MRI1: variants seen among roughly 807,000 people sequenced by gnomAD.
MRI1 encodes the protein methylthioribose-1-phosphate isomerase 1, also known as methylthioribose-1-phosphate isomerase.
MRI1 carries 32 observed loss-of-function variants against 27.3 expected under a neutral mutation model. That is an observed-to-expected ratio of 1.17 (90% CI 0.88 to 1.57). The LOEUF is 1.57. Among genes scored for constraint, MRI1 ranks in the 40% most tolerant of loss-of-function variants. The probability of loss-of-function intolerance (pLI) is 0.00; values close to 1 mark genes in which losing one functional copy is unlikely to be tolerated. For missense variants in MRI1, 508 were observed against 516.1 expected, an observed-to-expected ratio of 0.98 and a Z score of 0.15; for synonymous variants, 216 against 227.4, an observed-to-expected ratio of 0.95 and a Z score of 0.45.
intron 5 of MRI1, 108 bp downstream of exon 5, chr19:13,769,156 G>A: frequency 3.2e-6 from 3 of 947,852 alleles, no homozygotes; most frequent in Non-Finnish European, 4.7e-6. Context: ...GCTCCTACAA[G>A]CCACTTTTTC....
rs777638380 is a variant in MRI1 at position 13,769,006 on chromosome 19, C to A, written c.907C>A (p.Gln303Lys). ...KEIIIEERPGQELTDVNGVRI... is the reference protein window; with the variant it reads ...KEIIIEERPGKELTDVNGVRI... ...GATCATTATTGAAGAGCGACCGGGC[C>A]AGGAGCTGACCGATGTTAATGGGGT... The change falls in exon 5 of 6, where the codon CAG becomes AAG. Residue 303 changes from glutamine to lysine, a missense_variant. This residue lies in a region of MRI1 where 457 missense variants were observed against 452.8 expected (regional missense o/e 1.01). Coordinates refer to ENST00000040663, the MANE Select transcript of MRI1 (RefSeq NM_001031727.4). 1.9e-6 allele frequency: 3 copies of A among 1,613,698 alleles called. No individual in the cohort carries two copies. Among genetic ancestry groups the A allele is most frequent in the Non-Finnish European group, 2.5e-6 (3 of 1,179,866 alleles).
At position 13,768,754 on chromosome 19, in the gene MRI1, C is replaced by A. The variant is rs546023212; in HGVS notation, c.724+17C>A. ...GCGTGTCAGGTAAGCAGACGGTAAG[C>A]CCTGGGGGCGGGGCTCTGGAGCATG... is the stretch of plus-strand genomic sequence containing the variant. On this transcript the variant is annotated intron_variant, in intron 4 of 5. Transcript: ENST00000040663. 383 of 1,605,418 alleles carry A rather than the reference C, an allele frequency of 2.4e-4. 3 individuals are homozygous for A. In the South Asian group the frequency reaches 4.1e-3, roughly 17 times the overall value.
At chr19:13,768,500 G>T (rs1217269953) in intron 3 of MRI1, 61 bp from the exon 4 acceptor site, 2 of 1,592,572 alleles carry the variant, frequency 1.3e-6, no homozygotes, top group African/African-American at 1.3e-5. Flanking sequence ...CCTAACCAAT[G>T]GACCACCCTG....
intron 5 of MRI1, 103 bp downstream of exon 5, chr19:13,769,151 T>G: frequency 3.1e-6 from 3 of 958,132 alleles, no homozygotes; most frequent in Non-Finnish European, 4.6e-6. Flanking sequence ...ACACAGCTCC[T>G]ACAAGCCACT....
chr19:13,773,514 C>G lies in MRI1; in HGVS notation c.*1233C>G, dbSNP rs1205766727. 2 of 152,870 alleles carry G rather than the reference C, an allele frequency of 1.3e-5. No individual in the cohort carries two copies. The highest frequency in any genetic ancestry group is 2.9e-5 in the Non-Finnish European group (2 of 68,048). 9.5% of individuals were successfully genotyped at this position (152,870 alleles called of 1,614,324 possible). The stretch of plus-strand genomic sequence containing the variant: ...TGGGCATGGAACTCACACCTCTAGC[C>G]CCAGCTACTCAGGCTGAAGTGGGAG... On this transcript the variant is annotated 3_prime_UTR_variant, in exon 6 of 6. Coordinates refer to ENST00000040663, the MANE Select transcript of MRI1 (RefSeq NM_001031727.4).
Position 13,766,049 on chromosome 19 carries a change from C to G in MRI1, c.467C>G (p.Ala156Gly). Residue 156 changes from alanine to glycine, a missense_variant, in exon 3 of 6, where the codon GCC (alanine) becomes GGC (glycine). Ala to Gly is a moderately conservative substitution (Grantham distance 60). Around this residue, in one of 3 missense-constraint regions of MRI1, gnomAD observed 457 missense variants for 452.8 expected, o/e 1.01. Coordinates refer to ENST00000040663, the MANE Select transcript of MRI1 (RefSeq NM_001031727.4). Reference protein sequence around the residue: ...LGARHLLERVAPSGGKVTVLT... With the variant: ...LGARHLLERVGPSGGKVTVLT... ...GCCCGCCACCTCCTGGAGCGGGTGG[C>G]CCCCAGCGGTGGCAAGGTGACTGTG... 1.2e-6 allele frequency: 2 copies of G among 1,612,894 alleles called. No individual in the cohort carries two copies. Among genetic ancestry groups the G allele is most frequent in the Middle Eastern group, 3.3e-4 (2 of 6,058 alleles).
chr19:13,770,681 C>G (rs1236317181), intron 5 of MRI1, among the ~76,000 whole-genome samples: 1 of 151,490 alleles, frequency 6.6e-6, no homozygotes, highest in African/African-American at 2.4e-5. Flanking sequence ...GTCGGGAGTT[C>G]AAGACCAGCC....
In MRI1 at chr19:13,765,854, G is replaced by C. The variant is rs987270943; in HGVS notation, c.372-100G>C. ...AGGCCCCACAGCAATGAGAGGCTTTGAGCAGGAGGGCTCCAGGACAGCAGC... is the reference window on the plus strand; with the variant it reads ...AGGCCCCACAGCAATGAGAGGCTTTCAGCAGGAGGGCTCCAGGACAGCAGC... On this transcript the variant is annotated intron_variant, in intron 2 of 5. Transcript: ENST00000040663. 5 of 1,346,792 alleles carry C rather than the reference G, an allele frequency of 3.7e-6. No individual in the cohort carries two copies. In the East Asian group the frequency reaches 1.2e-4, roughly 32 times the overall value. The allele number at this position is 1,346,792 out of a possible 1,614,324, so 83.4% of individuals were successfully genotyped here. A position where few individuals can be genotyped will look rare whatever the true frequency, so the allele number is the denominator to read the frequency against.
chr19:13,768,789 A>C, intron 4 of MRI1, 35 bp from the exon 5 acceptor site: 3 of 1,592,564 alleles, frequency 1.9e-6, no homozygotes, highest in Non-Finnish European at 2.6e-6. Flanking sequence ...GGGGCCAGGT[A>C]ATGACCCCCA....
At chr19:13,765,897 C>T (rs1373979909) in intron 2 of MRI1, 57 bp from the exon 3 acceptor site, 10 of 1,526,854 alleles carry the variant, frequency 6.5e-6, no homozygotes, top group South Asian at 5.1e-5. Flanking sequence ...AGAGAGGAGG[C>T]GTTGGCCTGG....
chr19:13,766,266 A>C, intron 3 of MRI1, 137 bp downstream of exon 3: 1 of 740,240 alleles, frequency 1.4e-6, no homozygotes. Context: ...AAACACTTAT[A>C]CAGTTGGCTT....
At chr19:13,770,517 G>A (rs887940342) in intron 5 of MRI1, among the ~76,000 whole-genome samples, 1 of 151,852 alleles carries the variant, frequency 6.6e-6, no homozygotes, top group Non-Finnish European at 1.5e-5. Flanking sequence ...AACCTAGGAC[G>A]CAGAGGTTGC....
Position 13,773,623 on chromosome 19 carries a change from C to T in MRI1, c.*1342C>T, listed in dbSNP as rs1974317219. The T allele has an allele frequency of 7.9e-6, 1 of 126,578 alleles. No individual in the cohort carries two copies. Among genetic ancestry groups the T allele is most frequent in the African/African-American group, 4.0e-5 (1 of 24,692 alleles). The allele number at this position is 126,578 out of a possible 1,614,324, so 7.8% of individuals were successfully genotyped here. The stretch of plus-strand genomic sequence containing the variant: ...CACCCTAAGCAACAGAGTGAGACCC[C>T]ATCTCTTTAAAAAAAAAAAAAAATC... On this transcript the variant is annotated 3_prime_UTR_variant, in exon 6 of 6. Transcript: ENST00000040663.
At position 13,764,683 on chromosome 19, in the gene MRI1, C is replaced by T. The variant is rs772816620; in HGVS notation, c.95C>T (p.Ser32Leu). ...PKQSRYEAVG[S>L]VHQAWEAIRA... ...CAGAGCCGCTACGAGGCGGTGGGCT[C>T]GGTGCACCAGGCCTGGGAGGCCATC... is the stretch of plus-strand genomic sequence containing the variant. The change falls in exon 1 of 6, where the codon TCG (serine) becomes TTG (leucine). Residue 32 changes from serine to leucine, a missense_variant. By Grantham distance (145) the Ser-to-Leu change is moderately radical (BLOSUM62 -2). Coordinates refer to ENST00000040663, the MANE Select transcript of MRI1 (RefSeq NM_001031727.4). 7.6e-6 allele frequency: 12 copies of T among 1,589,058 alleles called. 1 individual carries two copies. In the South Asian group the frequency reaches 1.1e-4, roughly 15 times the overall value.
Position 13,768,562 on chromosome 19 carries a change from T to C in MRI1, c.549T>C (p.Gly183=), listed in dbSNP as rs771842946. The change falls in exon 4 of 6, where the codon GGT becomes GGC. Residue 183 remains glycine (G), a splice_region_variant and synonymous_variant. Coordinates refer to ENST00000040663, the MANE Select transcript of MRI1 (RefSeq NM_001031727.4). ...LATAGYGTAL[G]VIRSLHSLGR... ...TCCTGGTGGGTGGGGCCCCCGCAGGTGTGATTCGCTCACTGCACAGCCTGG... is the reference window on the plus strand; with the variant it reads ...TCCTGGTGGGTGGGGCCCCCGCAGGCGTGATTCGCTCACTGCACAGCCTGG... 1 of 1,603,342 alleles carries C rather than the reference T, an allele frequency of 6.2e-7. No homozygotes were observed. The highest frequency in any genetic ancestry group is 1.3e-5 in the African/African-American group (1 of 74,734).
chr19:13,767,284 C>G (rs993967084), intron 3 of MRI1, among the ~76,000 whole-genome samples: 3 of 151,648 alleles, frequency 2.0e-5, no homozygotes, highest in Admixed American at 6.6e-5. Context: ...TGACCTTAGG[C>G]GGTCCGCCAG....
intron 5 of MRI1, among the ~76,000 whole-genome samples, chr19:13,769,712 G>A (rs1173757913): frequency 6.6e-6 from 1 of 151,800 alleles, no homozygotes; most frequent in East Asian, 2.0e-4. Flanking sequence ...ACAAGGTCAG[G>A]AGTTCGAGAC....
chr19:13,770,304 C>A (rs1317694765), intron 5 of MRI1, among the ~76,000 whole-genome samples: 4 of 152,208 alleles, frequency 2.6e-5, no homozygotes, highest in Non-Finnish European at 5.9e-5. Flanking sequence ...AGTTCATGCA[C>A]TCAGATGCCG....
chr19:13,771,777 A>C (rs1286217905), intron 5 of MRI1, among the ~76,000 whole-genome samples: 1 of 151,960 alleles, frequency 6.6e-6, no homozygotes, highest in African/African-American at 2.4e-5. Flanking sequence ...AATTGCTTGA[A>C]ACCTGGGAGG....
Sources: gnomAD v4.1 joint callset for allele counts (sites outside exome capture counted in the v4.1 genomes callset) on GRCh38, gnomAD v4.1.1 for gene constraint, gnomAD v4.1.1 regional missense constraint, MANE v1.5 for transcripts, NCBI Gene and HGNC (gene_info 2026-07-23, HGNC 2026-07-21) for gene names.